The following NR2C2 variants were observed in gnomAD, a reference collection of about 807,000 sequenced individuals.
The protein encoded by NR2C2 is nuclear receptor subfamily 2 group C member 2.
In NR2C2, 6 loss-of-function variants were observed where a neutral mutation model predicts 62.9. The ratio of observed to expected loss-of-function variants is 0.10; its 90% CI spans 0.05 to 0.19. The LOEUF (loss-of-function observed/expected upper bound fraction) is 0.19, where lower values mean the gene tolerates loss of function less well. Ranked by LOEUF, NR2C2 falls within the 10% of genes least tolerant of loss-of-function variation. The pLI, the probability that NR2C2 is intolerant of heterozygous loss-of-function variation, is 1.00. For synonymous variants in NR2C2, 272 were observed against 273.8 expected (o/e 0.99, Z 0.07); for missense variants, 479 against 762.7 (o/e 0.63, Z 4.38).
chr3:14,999,397 G>T (rs1409517497), intron 1 of NR2C2, among the ~76,000 whole-genome samples: 1 of 152,108 alleles, frequency 6.6e-6, no homozygotes, highest in Non-Finnish European at 1.5e-5. Context: ...AGCTGAGGTT[G>T]GGAGGATTGC....
intron 8 of NR2C2, 92 bp from the exon 9 acceptor site, chr3:15,030,183 C>T (rs546052348): frequency 9.5e-7 from 1 of 1,053,052 alleles, no homozygotes; most frequent in East Asian, 2.7e-5. Context: ...ATTATCTTTT[C>T]CCACTGTAGT....
rs1034952031 is a variant in NR2C2, at chr3:15,011,523, A to G, written c.73-2066A>G. ...GTGGGTAGGAAAGTTTTTTTTAAAG[A>G]TAATTCTTTTCACAAGGTTTTCTGT... On this transcript the variant is annotated intron_variant, in intron 2 of 13. Coordinates refer to ENST00000425241, the MANE Select transcript of NR2C2 (RefSeq NM_001291694.2). Among the ~76,000 whole-genome samples, 4 of 152,114 alleles carry G rather than the reference A, an allele frequency of 2.6e-5. No individual in the cohort carries two copies. In the East Asian group the frequency reaches 7.7e-4, roughly 29 times the overall value.
At chr3:14,959,364 A>G (rs796972199) in intron 1 of NR2C2, among the ~76,000 whole-genome samples, 2 of 152,228 alleles carry the variant, frequency 1.3e-5, no homozygotes, top group East Asian at 1.9e-4. Context: ...AGAATAGGCT[A>G]TATGGTTTGT....
intron 7 of NR2C2, among the ~76,000 whole-genome samples, chr3:15,024,483 TTTTC>T (rs1191829953): frequency 6.6e-6 from 1 of 152,198 alleles, no homozygotes; most frequent in Non-Finnish European, 1.5e-5. Context: ...TCTGTTATAG[TTTTC>T]TTTTTCTCTT....
At position 15,045,100 on chromosome 3, in the gene NR2C2, T is replaced by C. The variant is rs1401821129; in HGVS notation, c.*2092T>C. ...AAAAAACCAGCTGAGACAATGGAAT[T>C]AGGGCAGGTTTGTTTCATTTCTGCT... On this transcript the variant is annotated 3_prime_UTR_variant, in exon 14 of 14. Transcript: ENST00000425241. 1.3e-5 allele frequency: 2 copies of C among 152,192 alleles called. No homozygotes were observed. The highest frequency in any genetic ancestry group is 2.9e-5 in the Non-Finnish European group (2 of 68,036). The allele number at this position is 152,192 out of a possible 1,614,324, so 9.4% of individuals were successfully genotyped here. A position where few individuals can be genotyped will look rare whatever the true frequency, so the allele number is the denominator to read the frequency against.
intron 1 of NR2C2, among the ~76,000 whole-genome samples, chr3:14,960,591 A>T (rs2039663428): frequency 6.6e-6 from 1 of 152,238 alleles, no homozygotes; most frequent in Non-Finnish European, 1.5e-5. Flanking sequence ...CTGTTTCTAT[A>T]CTATTCAATA....
At chr3:15,031,981 A>G (rs1293008039) in intron 9 of NR2C2, among the ~76,000 whole-genome samples, 1 of 152,106 alleles carries the variant, frequency 6.6e-6, no homozygotes, top group East Asian at 1.9e-4. Context: ...TGCCTGCCTC[A>G]GCCTCCCAAA....
At chr3:14,993,454 C>CAAA (rs58284681) in intron 1 of NR2C2, among the ~76,000 whole-genome samples, 2 of 119,440 alleles carry the variant, frequency 1.7e-5, no homozygotes, top group Admixed American at 8.7e-5. Flanking sequence ...AACTCCATCT[C>CAAA]AAAAAAAAAA....
At chr3:15,006,400 C>T (rs1455541346) in intron 2 of NR2C2, among the ~76,000 whole-genome samples, 1 of 152,138 alleles carries the variant, frequency 6.6e-6, no homozygotes, top group East Asian at 1.9e-4. Context: ...CTAATATACC[C>T]TGACCTATCT....
chr3:15,023,151 T>C, intron 5 of NR2C2, 49 bp from the exon 6 acceptor site: 1 of 1,599,796 alleles, frequency 6.3e-7, no homozygotes, highest in Non-Finnish European at 8.5e-7. Flanking sequence ...GTGGTTTTTA[T>C]TGATTGGAAT....
chr3:15,039,248 C>A, intron 13 of NR2C2, 21 bp downstream of exon 13: 1 of 1,514,108 alleles, frequency 6.6e-7, no homozygotes, highest in Non-Finnish European at 9.2e-7. Context: ...CAGGCATATG[C>A]GCTCTTGCTT....
At chr3:14,950,607 C>G (rs1252980477) in intron 1 of NR2C2, among the ~76,000 whole-genome samples, 1 of 149,228 alleles carries the variant, frequency 6.7e-6, no homozygotes, top group Non-Finnish European at 1.5e-5. Flanking sequence ...CATTGCCAGT[C>G]TAAATCAGAT....
intron 1 of NR2C2, among the ~76,000 whole-genome samples, chr3:14,986,596 A>G (rs1436851127): frequency 6.6e-6 from 1 of 152,266 alleles, no homozygotes; most frequent in African/African-American, 2.4e-5. Context: ...ACATTCTGTC[A>G]TAGAGAACAT....
chr3:15,046,416 C>G lies in NR2C2; in HGVS notation c.*3408C>G, dbSNP rs945997021. ...ACACACATACTTATTAGCTGTCTTA[C>G]TTGTTTGGGGGATAGTTACGGCAAG... On this transcript the variant is annotated 3_prime_UTR_variant, in exon 14 of 14. Coordinates refer to ENST00000425241, the MANE Select transcript of NR2C2 (RefSeq NM_001291694.2). 1 of 152,230 alleles carries G rather than the reference C, an allele frequency of 6.6e-6. No individual in the cohort carries two copies. The highest frequency in any genetic ancestry group is 1.5e-5 in the Non-Finnish European group (1 of 68,046). 9.4% of individuals were successfully genotyped at this position (152,230 alleles called of 1,614,324 possible). A position where few individuals can be genotyped will look rare whatever the true frequency, so the allele number is the denominator to read the frequency against.
At chr3:15,002,197 CT>C (rs1220935972) in intron 1 of NR2C2, among the ~76,000 whole-genome samples, 1 of 152,146 alleles carries the variant, frequency 6.6e-6, no homozygotes, top group East Asian at 1.9e-4. Flanking sequence ...GCTAAGTATA[CT>C]GTATAGCTGT....
intron 12 of NR2C2, 106 bp downstream of exon 12, chr3:15,038,243 G>A: frequency 8.4e-7 from 1 of 1,188,550 alleles, no homozygotes; most frequent in African/African-American, 1.6e-5. Flanking sequence ...CCTGCAGATT[G>A]TATGTGACCT....
chr3:15,039,975 C>T (rs1431171759), intron 13 of NR2C2, among the ~76,000 whole-genome samples: 1 of 151,594 alleles, frequency 6.6e-6, no homozygotes, highest in Non-Finnish European at 1.5e-5. Context: ...ATGGTGAAAC[C>T]CCGTCTCTAC....
chr3:15,019,038 A>G (rs1389778219), intron 4 of NR2C2, among the ~76,000 whole-genome samples: 1 of 148,044 alleles, frequency 6.8e-6, no homozygotes, highest in East Asian at 2.0e-4. Context: ...AAAAAAAAAA[A>G]AGATTTTATT....
At chr3:14,976,357 A>T (rs1052299164) in intron 1 of NR2C2, among the ~76,000 whole-genome samples, 1 of 152,142 alleles carries the variant, frequency 6.6e-6, no homozygotes, top group Non-Finnish European at 1.5e-5. Context: ...TATAATTATG[A>T]TACTATTACA....
Sources: gnomAD v4.1 joint callset for allele counts (sites outside exome capture counted in the v4.1 genomes callset) on GRCh38, gnomAD v4.1.1 for gene constraint, MANE v1.5 for transcripts, NCBI Gene and HGNC (gene_info 2026-07-23, HGNC 2026-07-21) for gene names.